Variants in WDR4 observed in about 807,000 individuals in gnomAD.
The protein encoded by WDR4 is WDR4 tRNA N7-guanosine methyltransferase non-catalytic subunit, also known as tRNA (guanine-N(7)-)-methyltransferase non-catalytic subunit WDR4.
Under a neutral mutation model 48.6 loss-of-function variants are expected in WDR4, and 47 were observed. The ratio of observed to expected loss-of-function variants is 0.97; its 90% CI spans 0.77 to 1.23. The LOEUF is 1.23. Among genes scored for constraint, WDR4 ranks in the 50% most tolerant of loss-of-function variants. WDR4 has a pLI of 0.00. For synonymous variants in WDR4, 268 were observed against 230.0 expected, an observed-to-expected ratio of 1.17 and a Z score of -1.49; for missense variants, 606 against 551.6, an observed-to-expected ratio of 1.10 and a Z score of -0.99.
exon 12 of WDR4, chr21:42,843,210 C>T (rs375035584): frequency 6.6e-6 from 1 of 152,132 alleles, no homozygotes; most frequent in Non-Finnish European, 1.5e-5. Flanking sequence ...ACAAGCTCAT[C>T]GTCGGCCGAC....
intron 2 of WDR4, among the ~76,000 whole-genome samples, chr21:42,873,917 G>A (rs180815960): frequency 6.6e-5 from 10 of 152,258 alleles, no homozygotes; most frequent in African/African-American, 2.4e-4. Context: ...ATACATGCCA[G>A]AACCCAGAGA....
chr21:42,877,267 C>T (rs868369306), intron 1 of WDR4, among the ~76,000 whole-genome samples: 7 of 151,088 alleles, frequency 4.6e-5, no homozygotes, highest in African/African-American at 1.7e-4. Flanking sequence ...CCTCAGCCTT[C>T]CCGGTAGCTG....
chr21:42,864,601 C>T (rs2058206620), intron 3 of WDR4, among the ~76,000 whole-genome samples: 2 of 152,200 alleles, frequency 1.3e-5, no homozygotes, highest in Non-Finnish European at 2.9e-5. Flanking sequence ...ACATCCACAT[C>T]AGCACATCCA....
chr21:42,855,756 A>T lies in WDR4; in HGVS notation c.652T>A (p.Tyr218Asn). 1.3e-6 allele frequency: 2 copies of T among 1,552,718 alleles called. No individual in the cohort carries two copies. The highest frequency in any genetic ancestry group is 1.7e-6 in the Non-Finnish European group (2 of 1,147,742). Residue 218 changes from tyrosine (Y) to asparagine (N), a missense_variant, in exon 7 of 11, where the codon TAC (tyrosine) becomes AAC (asparagine). Tyr to Asn is a moderately radical substitution (Grantham distance 143, BLOSUM62 -2). Coordinates refer to ENST00000398208, the MANE Select transcript of WDR4 (RefSeq NM_018669.6). ...SGDGTLRLWE[Y>N]RSGRQLHCCH... The stretch of plus-strand genomic sequence containing the variant: ...CAGTGCAGCTGGCGGCCGCTCCTGT[A>T]CTCCCAGAGCCTCAGGGTGCCGTCC...
chr21:42,879,676 G>T, upstream of WDR4: 1 of 681,588 alleles, frequency 1.5e-6, no homozygotes, highest in Non-Finnish European at 2.4e-6. Context: ...TCCGGGTTGT[G>T]GCTGGTGGCC....
At chr21:42,874,851 G>A (rs977317936) in intron 2 of WDR4, among the ~76,000 whole-genome samples, 7 of 152,074 alleles carry the variant, frequency 4.6e-5, no homozygotes, top group Non-Finnish European at 7.4e-5. Flanking sequence ...CTGCGATCTC[G>A]CCCTGCCTCC....
intron 1 of WDR4, 102 bp from the exon 2 acceptor site, chr21:42,876,869 A>G (rs905152669): frequency 1.4e-4 from 152 of 1,073,674 alleles, no homozygotes; most frequent in Middle Eastern, 4.4e-4. Flanking sequence ...TCCAGGCTCC[A>G]GTACAATGGC....
intron 9 of WDR4, among the ~76,000 whole-genome samples, chr21:42,853,302 G>A (rs1471671210): frequency 6.6e-6 from 1 of 152,168 alleles, no homozygotes; most frequent in African/African-American, 2.4e-5. Flanking sequence ...GCTAAGTGTG[G>A]TGTGGGGGGC....
rs370476475 is a variant in WDR4 at position 42,878,715 on chromosome 21, T to C, written c.89+692A>G. On this transcript the variant is annotated intron_variant, in intron 1 of 10. Transcript: ENST00000398208. ...AACATTTACTAAGTTAAAAATCCCCTGCGTCGTCCTAGCACTGGCGATACA... is the reference window on the plus strand; with the variant it reads ...AACATTTACTAAGTTAAAAATCCCCCGCGTCGTCCTAGCACTGGCGATACA... Among the ~76,000 whole-genome samples the C allele has an allele frequency of 1.4e-4, 22 of 152,260 alleles. 1 individual carries two copies. The South Asian group carries it at 2.1e-3, about 14-fold the overall frequency.
rs1253041142 is a variant in WDR4, at chr21:42,879,220, G to T, written c.89+187C>A. On this transcript the variant is annotated intron_variant, in intron 1 of 10. Transcript: ENST00000398208. ...CGGACGCCGAGAGCGGACGGCGAAA[G>T]CGGACCCTCCAGGCGCAGAGACGCG... 29 of 1,310,022 alleles carry T rather than the reference G, an allele frequency of 2.2e-5. No individual in the cohort carries two copies. In the South Asian group the frequency reaches 5.9e-4, roughly 27 times the overall value. The allele number at this position is 1,310,022 out of a possible 1,614,324, so 81.1% of individuals were successfully genotyped here.
chr21:42,875,708 AAAT>A (rs750858219), intron 2 of WDR4, among the ~76,000 whole-genome samples: 21 of 152,214 alleles, frequency 1.4e-4, no homozygotes, highest in African/African-American at 1.9e-4. Flanking sequence ...CTGTCTCAAA[AAAT>A]AATAATAACG....
chr21:42,859,758 C>T (rs1354831863), intron 5 of WDR4, 36 bp from the exon 6 acceptor site: 3 of 1,551,532 alleles, frequency 1.9e-6, no homozygotes, highest in African/African-American at 1.4e-5. Flanking sequence ...AGTCAGCGAG[C>T]CCAGCGCCCG....
chr21:42,865,160 G>A (rs2058219536), intron 3 of WDR4, among the ~76,000 whole-genome samples: 1 of 152,230 alleles, frequency 6.6e-6, no homozygotes, highest in Admixed American at 6.5e-5. Context: ...TCACAGCTGT[G>A]CAGCAGAGCT....
At chr21:42,850,288 G>A in intron 10 of WDR4, 46 bp from the exon 11 acceptor site, 1 of 1,533,606 alleles carries the variant, frequency 6.5e-7, no homozygotes, top group Non-Finnish European at 8.8e-7. Flanking sequence ...GCAGGAACAT[G>A]GGACTCGGCC....
the WDR4 span, among the ~76,000 whole-genome samples, chr21:42,888,051 C>T: frequency 3.3e-5 from 5 of 151,842 alleles, no homozygotes; most frequent in African/African-American, 9.7e-5. Context: ...TCATGACATA[C>T]CATTTTCTTA....
chr21:42,892,988 T>G, the WDR4 span, among the ~76,000 whole-genome samples: 3 of 152,188 alleles, frequency 2.0e-5, no homozygotes, highest in Non-Finnish European at 4.4e-5. Flanking sequence ...AGCGTTCGGG[T>G]GGACATGCAA....
At position 42,853,691 on chromosome 21, in the gene WDR4, G is replaced by GCTGC; in HGVS notation, c.849_852dup (p.Gln285AlafsTer46). On this transcript the variant is annotated frameshift_variant, in exon 9 of 11. Coordinates refer to ENST00000398208, the MANE Select transcript of WDR4 (RefSeq NM_018669.6). LOFTEE classifies it high-confidence loss of function. ...CACACTTGGTGCTGGAACGCCAGCT[G>GCTGC]CTGCCTGTACACCAACTGCTGTCTG... 1 of 1,577,934 alleles carries GCTGC rather than the reference G, an allele frequency of 6.3e-7. No homozygotes were observed. Among genetic ancestry groups the GCTGC allele is most frequent in the Non-Finnish European group, 8.6e-7 (1 of 1,162,342 alleles).
intron 1 of WDR4, among the ~76,000 whole-genome samples, chr21:42,877,759 T>C (rs1049753396): frequency 3.9e-5 from 6 of 152,034 alleles, no homozygotes; most frequent in Non-Finnish European, 8.8e-5. Flanking sequence ...TATAAGAAAT[T>C]ACGGGCCGGG....
intron 6 of WDR4, among the ~76,000 whole-genome samples, chr21:42,857,182 GAA>G (rs1412794922): frequency 6.6e-6 from 1 of 152,028 alleles, no homozygotes; most frequent in Non-Finnish European, 1.5e-5. Context: ...AGGCTCTGGG[GAA>G]ACGGAGCCGA....
Sources: gnomAD v4.1 joint callset for allele counts (sites outside exome capture counted in the v4.1 genomes callset) on GRCh38, gnomAD v4.1.1 for gene constraint, MANE v1.5 for transcripts, NCBI Gene and HGNC (gene_info 2026-07-23, HGNC 2026-07-21) for gene names.